RXFP1: variants seen among roughly 807,000 people sequenced by gnomAD.
RXFP1 encodes relaxin receptor 1.
Under a neutral mutation model 89.8 loss-of-function variants are expected in RXFP1, and 73 were observed. The observed-to-expected ratio is 0.81, with a 90% CI of 0.67 to 0.99. The LOEUF is 0.99. Ranked by LOEUF, RXFP1 falls within the 50% of genes least tolerant of loss-of-function variation. The pLI is 0.00. For synonymous variants in RXFP1, 277 were observed against 305.5 expected (o/e 0.91, Z 0.97); for missense variants, 793 against 895.5 (o/e 0.89, Z 1.46).
chr4:158,522,778 C>T (rs1398317621), intron 1 of RXFP1, among the ~76,000 whole-genome samples: 1 of 152,092 alleles, frequency 6.6e-6, no homozygotes, highest in Admixed American at 6.6e-5. Context: ...AAACCAAGAA[C>T]AAAACTTTCT....
intron 3 of RXFP1, among the ~76,000 whole-genome samples, chr4:158,594,339 C>T (rs1760110570): frequency 6.6e-6 from 1 of 152,186 alleles, no homozygotes; most frequent in South Asian, 2.1e-4. Context: ...GCCGCGTCCT[C>T]AGCCCTACCC....
chr4:158,533,739 A>G (rs1367988592), intron 1 of RXFP1, among the ~76,000 whole-genome samples: 1 of 151,976 alleles, frequency 6.6e-6, no homozygotes, highest in Non-Finnish European at 1.5e-5. Flanking sequence ...TCTGATACCA[A>G]TTTTCCCTAC....
chr4:158,571,778 A>T (rs1323410893), intron 1 of RXFP1, among the ~76,000 whole-genome samples: 1 of 152,196 alleles, frequency 6.6e-6, no homozygotes, highest in Non-Finnish European at 1.5e-5. Context: ...CTGAAAAGTC[A>T]AGCTGCAAGC....
chr4:158,526,718 A>C (rs537308325), intron 1 of RXFP1, among the ~76,000 whole-genome samples: 2 of 152,284 alleles, frequency 1.3e-5, no homozygotes, highest in South Asian at 4.1e-4. Context: ...AATACTACCT[A>C]AATTAACTGG....
At chr4:158,624,410 G>A (rs898340817) in intron 9 of RXFP1, among the ~76,000 whole-genome samples, 14 of 152,080 alleles carry the variant, frequency 9.2e-5, no homozygotes, top group Admixed American at 7.9e-4. Context: ...CAAGTTGAGG[G>A]AGAATAGACA....
chr4:158,620,097 T>C (rs1765330074), intron 9 of RXFP1, among the ~76,000 whole-genome samples: 2 of 152,100 alleles, frequency 1.3e-5, no homozygotes, highest in Admixed American at 1.3e-4. Flanking sequence ...TTAAGTAATA[T>C]AGTGGAAAGA....
chr4:158,598,637 G>T (rs962460929), intron 3 of RXFP1, among the ~76,000 whole-genome samples: 17 of 151,858 alleles, frequency 1.1e-4, no homozygotes, highest in Admixed American at 3.9e-4. Context: ...TAACACTATC[G>T]CTACAGCTCC....
At chr4:158,540,827 G>T (rs559804081) in intron 1 of RXFP1, among the ~76,000 whole-genome samples, 1 of 152,166 alleles carries the variant, frequency 6.6e-6, no homozygotes, top group East Asian at 1.9e-4. Context: ...ACACACTACG[G>T]ATGGCTGTTG....
chr4:158,603,109 G>A (rs1048638308), intron 4 of RXFP1, among the ~76,000 whole-genome samples: 1 of 151,896 alleles, frequency 6.6e-6, no homozygotes, highest in Non-Finnish European at 1.5e-5. Context: ...TTTTTTAATT[G>A]TTTGTAGAGA....
intron 1 of RXFP1, among the ~76,000 whole-genome samples, chr4:158,533,585 A>G (rs1744573854): frequency 6.6e-6 from 1 of 152,240 alleles, no homozygotes; most frequent in South Asian, 2.1e-4. Flanking sequence ...CTATAGGAGA[A>G]TTGGAATTTT....
intron 15 of RXFP1, 75 bp from the exon 16 acceptor site, chr4:158,646,716 A>T: frequency 1.3e-6 from 2 of 1,484,438 alleles, no homozygotes; most frequent in Non-Finnish European, 1.8e-6. Flanking sequence ...TCTAGCATTA[A>T]AAATATTATT....
intron 9 of RXFP1, among the ~76,000 whole-genome samples, chr4:158,621,950 T>C (rs1368700474): frequency 6.6e-6 from 1 of 152,192 alleles, no homozygotes; most frequent in African/African-American, 2.4e-5. Flanking sequence ...AAGGAATTCT[T>C]GTGCACTGTG....
Position 158,645,123 on chromosome 4 carries a change from A to G in RXFP1, c.1330A>G (p.Ile444Val). The G allele has an allele frequency of 1.2e-6, 2 of 1,612,238 alleles. No homozygotes were observed. Among genetic ancestry groups the G allele is most frequent in the African/African-American group, 1.3e-5 (1 of 75,030 alleles). ...TGAGAACAAGCTGTATGCCATGTCA[A>G]TCATTTCTCTCTGCTGTGAGTATTT... Reference protein sequence around the residue: ...RSENKLYAMSIISLCCADCLM... With the variant: ...RSENKLYAMSVISLCCADCLM... The change falls in exon 15 of 18, where the codon ATC (isoleucine) becomes GTC (valine). Residue 444 changes from isoleucine (I) to valine (V), a missense_variant. Physicochemically the swap from Ile to Val is conservative, Grantham distance 29 (BLOSUM62 3). Transcript: ENST00000307765.
intron 1 of RXFP1, among the ~76,000 whole-genome samples, chr4:158,533,097 G>T (rs149702424): frequency 2.0e-5 from 3 of 152,328 alleles, no homozygotes; most frequent in African/African-American, 7.2e-5. Context: ...GTTGTGGAAA[G>T]ACTGGATGTT....
intron 2 of RXFP1, among the ~76,000 whole-genome samples, chr4:158,581,555 G>T (rs1561060664): frequency 6.6e-6 from 1 of 152,154 alleles, no homozygotes; most frequent in Non-Finnish European, 1.5e-5. Flanking sequence ...ATATATAAGA[G>T]ATTAGATGAA....
At chr4:158,599,513 C>A (rs1182343301) in intron 4 of RXFP1, 82 bp downstream of exon 4, 5 of 1,054,414 alleles carry the variant, frequency 4.7e-6, no homozygotes, top group South Asian at 3.6e-5. Context: ...TGTGATTATT[C>A]ATAATATATT....
intron 6 of RXFP1, 103 bp downstream of exon 6, chr4:158,608,146 C>A: frequency 1.4e-6 from 1 of 725,330 alleles, no homozygotes; most frequent in Non-Finnish European, 2.3e-6. Context: ...ACCAAGGAGC[C>A]ATGCAAGTGA....
At chr4:158,639,223 A>G (rs762598902) in intron 13 of RXFP1, 37 bp from the exon 14 acceptor site, 63 of 1,142,224 alleles carry the variant, frequency 5.5e-5, no homozygotes, top group Admixed American at 1.1e-4. Flanking sequence ...TGTATAATAC[A>G]TGTTCCTTTG....
chr4:158,616,556 T>C lies in RXFP1; in HGVS notation c.681-575T>C, dbSNP rs918351970. On this transcript the variant is annotated intron_variant, in intron 8 of 17. Transcript: ENST00000307765. ...TTGTTGTTGACGGGTTTAGGCTATT[T>C]TTTTTTTTTTTTTTTTAGTTACTAA... Among the ~76,000 whole-genome samples, 352 of 82,404 alleles carry C rather than the reference T, an allele frequency of 4.3e-3. 3 individuals are homozygous for C. The African/African-American group carries it at 0.096, about 22-fold the overall frequency. The allele number at this position is 82,404 out of a possible 152,430, so 54.1% of individuals were successfully genotyped here.
Sources: allele counts gnomAD v4.1 joint callset (sites outside exome capture counted in the v4.1 genomes callset), GRCh38; gene constraint gnomAD v4.1.1; transcripts MANE v1.5; gene names NCBI Gene and HGNC (gene_info 2026-07-23, HGNC 2026-07-21).